The following ZNF605 variants were observed in gnomAD, a reference collection of about 807,000 sequenced individuals.
ZNF605 encodes zinc finger protein 605.
Under a neutral mutation model 7.9 loss-of-function variants are expected in ZNF605, and 9 were observed. The ratio of observed to expected loss-of-function variants is 1.14; its 90% CI spans 0.68 to 1.98. ZNF605 has a LOEUF of 1.98. ZNF605 is among the 30% of genes most tolerant of loss of function. ZNF605 has a pLI of 0.00. For missense variants in ZNF605, 673 were observed against 762.4 expected, an observed-to-expected ratio of 0.88 and a Z score of 1.38; for synonymous variants, 255 against 260.1, an observed-to-expected ratio of 0.98 and a Z score of 0.19.
Position 132,948,010 on chromosome 12 carries a change from A to T in ZNF605, c.-163+138T>A, listed in dbSNP as rs999253206. On this transcript the variant is annotated intron_variant, in intron 2 of 4. Coordinates refer to ENST00000360187, the MANE Select transcript of ZNF605 (RefSeq NM_183238.4). ...GGCGGTATCTTTTCCAGTTTTAAAA[A>T]CTTTTAAAACTTTTTCAAAGACCAC... 5 of 152,236 alleles carry T rather than the reference A, an allele frequency of 3.3e-5. No individual in the cohort carries two copies. In the East Asian group the frequency reaches 5.8e-4, roughly 18 times the overall value. 9.4% of individuals were successfully genotyped at this position (152,236 alleles called of 1,614,324 possible).
chr12:132,932,774 G>T, intron 4 of ZNF605: 1 of 1,536,572 alleles, frequency 6.5e-7, no homozygotes, highest in South Asian at 1.2e-5. Flanking sequence ...GTTCCAGTTT[G>T]AACATTGCAT....
chr12:132,933,050 TG>T lies in ZNF605; in HGVS notation c.120del (p.Ser40ArgfsTer10). 1 of 1,595,148 alleles carries T rather than the reference TG, an allele frequency of 6.3e-7. No individual in the cohort carries two copies. The highest frequency in any genetic ancestry group is 1.1e-5 in the South Asian group (1 of 88,646). Reference sequence around the variant, plus strand: ...ATGTTCTTACCCAAGAAAACCAGATTGCTATAGTTCTCCAACATCACATCTC... The same window carrying T: ...ATGTTCTTACCCAAGAAAACCAGATTCTATAGTTCTCCAACATCACATCTC... ...LYRDVMLENYSNLVFLEVWLD... is the reference protein window; with the variant it reads ...LYRDVMLENYXNLVFLEVWLD... On this transcript the variant is annotated frameshift_variant, in exon 4 of 5. Transcript: ENST00000360187. LOFTEE classifies it low-confidence loss of function (END_TRUNC). This position sits in a 1 kb window ranked among gnomAD's most constrained non-coding sequence, Gnocchi z 4.4.
chr12:132,931,586 A>C (rs1952309495), intron 4 of ZNF605, among the ~76,000 whole-genome samples: 1 of 152,222 alleles, frequency 6.6e-6, no homozygotes, highest in Non-Finnish European at 1.5e-5. Flanking sequence ...ATTTCAGAAG[A>C]GCGTGTGAGG....
At position 132,933,102 on chromosome 12, in the gene ZNF605, A is replaced by G; in HGVS notation, c.69T>C (p.Leu23=). The change falls in exon 4 of 5, where the codon CTT becomes CTC. Residue 23 remains leucine (L), a synonymous_variant. Coordinates refer to ENST00000360187, the MANE Select transcript of ZNF605 (RefSeq NM_183238.4). The surrounding 1 kb of genome is among the most constrained non-coding windows in gnomAD (Gnocchi z 4.4). The part of the protein sequence containing the change: ...VDFTLEEWQL[L]NPTQKNLYRD... ...TGTACAAGTTCTTCTGAGTAGGATT[A>G]AGTAGCTGCCATTCCTCCAGCGTGA... 6.2e-7 allele frequency: 1 copy of G among 1,612,058 alleles called. No individual in the cohort carries two copies. The highest frequency in any genetic ancestry group is 1.1e-5 in the South Asian group (1 of 90,872).
chr12:132,949,122 T>C (rs891858746), intron 1 of ZNF605, among the ~76,000 whole-genome samples: 2 of 152,128 alleles, frequency 1.3e-5, no homozygotes, highest in Non-Finnish European at 2.9e-5. Context: ...AGCCTTCTTA[T>C]CGCCGTGATG....
chr12:132,927,870 T>A (rs1226290747), intron 4 of ZNF605, among the ~76,000 whole-genome samples: 5 of 152,048 alleles, frequency 3.3e-5, no homozygotes, highest in African/African-American at 1.2e-4. Context: ...TTAGCCAGGA[T>A]GGTCTTGATC....
chr12:132,945,766 A>C lies in ZNF605; in HGVS notation c.-131T>G. ...CTTGTGGGCTCTTCTTTCTTATCTCACATGAATTGTCTTGTTCCAGAGGGC... is the reference window on the plus strand; with the variant it reads ...CTTGTGGGCTCTTCTTTCTTATCTCCCATGAATTGTCTTGTTCCAGAGGGC... On this transcript the variant is annotated 5_prime_UTR_variant, in exon 3 of 5. It removes the in-frame stop codon of an upstream open reading frame in the 5' UTR. Coordinates refer to ENST00000360187, the MANE Select transcript of ZNF605 (RefSeq NM_183238.4). The C allele has an allele frequency of 4.9e-5, 65 of 1,318,358 alleles. No individual in the cohort carries two copies. The highest frequency in any genetic ancestry group is 6.9e-5 in the Non-Finnish European group (63 of 912,020). The allele number at this position is 1,318,358 out of a possible 1,614,324, so 81.7% of individuals were successfully genotyped here. A position where few individuals can be genotyped will look rare whatever the true frequency, so the allele number is the denominator to read the frequency against.
intron 3 of ZNF605, chr12:132,945,286 A>G: frequency 3.6e-6 from 3 of 843,202 alleles, no homozygotes; most frequent in Non-Finnish European, 5.9e-6. Context: ...TGTTTCTATA[A>G]TCTACTTTGT....
chr12:132,932,618 A>T, intron 4 of ZNF605: 1 of 780,410 alleles, frequency 1.3e-6, no homozygotes, highest in East Asian at 2.7e-5. Context: ...AACTTTAAAC[A>T]CAGTTTTATA....
Position 132,926,632 on chromosome 12 carries a change from T to C in ZNF605, c.667A>G (p.Lys223Glu). The change falls in exon 5 of 5, where the codon AAA becomes GAA. Residue 223 changes from lysine (K) to glutamate (E), a missense_variant. Lys to Glu is a moderately conservative substitution (Grantham distance 56). Transcript: ENST00000360187. ...TGACATTCGCTGCACCCATGCGGTTTTTCTCCTGAGTGAGTTCTTTGATGA... is the reference window on the plus strand; with the variant it reads ...TGACATTCGCTGCACCCATGCGGTTCTTCTCCTGAGTGAGTTCTTTGATGA... ...TVHQRTHSGE[K>E]PHGCSECQKA... The C allele has an allele frequency of 1.2e-6, 2 of 1,614,172 alleles. No homozygotes were observed. The highest frequency in any genetic ancestry group is 2.2e-5 in the East Asian group (1 of 44,878).
At chr12:132,947,345 C>G (rs1297831928) in intron 2 of ZNF605, among the ~76,000 whole-genome samples, 1 of 149,202 alleles carries the variant, frequency 6.7e-6, no homozygotes, top group Non-Finnish European at 1.5e-5. Context: ...GGGTCTTGCT[C>G]TGTCACCCAG....
chr12:132,927,688 C>T lies in ZNF605; in HGVS notation c.137-526G>A, dbSNP rs1207481077. On this transcript the variant is annotated intron_variant, in intron 4 of 4. Transcript: ENST00000360187. Reference sequence around the variant, plus strand: ...CTTATTTTTTTTTTAGAGGGAGTCTCACTCTGTCACCACGCTGGAGTGCAG... The same window carrying T: ...CTTATTTTTTTTTTAGAGGGAGTCTTACTCTGTCACCACGCTGGAGTGCAG... Among the ~76,000 whole-genome samples, 4 of 142,056 alleles carry T rather than the reference C, an allele frequency of 2.8e-5. No homozygotes were observed. The East Asian group carries it at 6.2e-4, about 22-fold the overall frequency. 93.2% of individuals were successfully genotyped at this position (142,056 alleles called of 152,430 possible).
In ZNF605 at chr12:132,922,337, A is replaced by G. The variant is rs1952213031; in HGVS notation, c.*3036T>C. 6.6e-6 allele frequency: 1 copy of G among 152,226 alleles called. No homozygotes were observed. Among genetic ancestry groups the G allele is most frequent in the Admixed American group, 6.5e-5 (1 of 15,276 alleles). 9.4% of individuals were successfully genotyped at this position (152,226 alleles called of 1,614,324 possible). A position where few individuals can be genotyped will look rare whatever the true frequency, so the allele number is the denominator to read the frequency against. On this transcript the variant is annotated 3_prime_UTR_variant, in exon 5 of 5. Coordinates refer to ENST00000360187, the MANE Select transcript of ZNF605 (RefSeq NM_183238.4). ...ATAAGTCTTTCTATTACTGAAGAGGAGCTTAGTAATAACTGCAAGTCTATT... is the reference window on the plus strand; with the variant it reads ...ATAAGTCTTTCTATTACTGAAGAGGGGCTTAGTAATAACTGCAAGTCTATT...
chr12:132,950,528 C>T (rs1018951798), intron 1 of ZNF605, among the ~76,000 whole-genome samples: 13 of 151,374 alleles, frequency 8.6e-5, no homozygotes, highest in Admixed American at 6.6e-4. Flanking sequence ...CACACACAGA[C>T]GCACACACAC....
chr12:132,932,967 C>G, intron 4 of ZNF605, 68 bp downstream of exon 4: 1 of 1,506,180 alleles, frequency 6.6e-7, no homozygotes, highest in African/African-American at 1.4e-5. Flanking sequence ...AAACTTACAT[C>G]CAAAATAAAC....
At chr12:132,927,367 G>A (rs1425639961) in intron 4 of ZNF605, among the ~76,000 whole-genome samples, 3 of 152,024 alleles carry the variant, frequency 2.0e-5, no homozygotes, top group Non-Finnish European at 2.9e-5. Context: ...TATTTTTACT[G>A]TTTATATATA....
chr12:132,920,624 G>A lies in ZNF605; in HGVS notation c.*4749C>T, dbSNP rs1191097107. 1 of 152,176 alleles carries A rather than the reference G, an allele frequency of 6.6e-6. No homozygotes were observed. The highest frequency in any genetic ancestry group is 1.9e-4 in the East Asian group (1 of 5,192). The allele number at this position is 152,176 out of a possible 1,614,324, so 9.4% of individuals were successfully genotyped here. A position where few individuals can be genotyped will look rare whatever the true frequency, so the allele number is the denominator to read the frequency against. On this transcript the variant is annotated 3_prime_UTR_variant, in exon 5 of 5. Transcript: ENST00000360187. Reference sequence around the variant, plus strand: ...ACTAAATAATTTAAATTAATATGGTGATGGAGTGTGTGGCGTTGGAAGAAA... The same window carrying A: ...ACTAAATAATTTAAATTAATATGGTAATGGAGTGTGTGGCGTTGGAAGAAA...
chr12:132,954,291 G>C (rs1185646805), intron 1 of ZNF605, among the ~76,000 whole-genome samples: 2 of 145,140 alleles, frequency 1.4e-5, no homozygotes, highest in Non-Finnish European at 3.0e-5. Context: ...CCCAAACTCT[G>C]AGTCCCAAAG....
Position 132,941,962 on chromosome 12 carries a change from C to T in ZNF605, c.15+3659G>A, listed in dbSNP as rs1024885761. 6.6e-6 allele frequency among the ~76,000 whole-genome samples: 1 copy of T among 152,188 alleles called. No individual in the cohort carries two copies. The highest frequency in any genetic ancestry group is 6.5e-5 in the Admixed American group (1 of 15,280). ...TCCCCTTTCTGAAGCCTCAAATAGA[C>T]GGGAGATATGTAAACCTATTTTTAA... On this transcript the variant is annotated intron_variant, in intron 3 of 4. Transcript: ENST00000360187. The surrounding 1 kb of genome is among the most constrained non-coding windows in gnomAD (Gnocchi z 5.1).
Sources: allele counts gnomAD v4.1 joint callset (sites outside exome capture counted in the v4.1 genomes callset), GRCh38; gene constraint gnomAD v4.1.1; non-coding constraint Gnocchi (gnomAD v3.1); transcripts MANE v1.5; gene names NCBI Gene and HGNC (gene_info 2026-07-23, HGNC 2026-07-21).